FGF16: variants seen among roughly 807,000 people sequenced by gnomAD.
The protein encoded by FGF16 is metacarpal 4-5 fusion.
FGF16 carries 2 observed loss-of-function variants against 8.5 expected under a neutral mutation model. That is an observed-to-expected ratio of 0.24 (90% CI 0.10 to 0.75). The LOEUF is 0.75. Ranked by LOEUF, FGF16 falls within the 30% of genes least tolerant of loss-of-function variation. The pLI, the probability that FGF16 is intolerant of heterozygous loss-of-function variation, is 0.74. For missense variants in FGF16, 79 were observed against 87.4 expected (o/e 0.90, Z 0.38); for synonymous variants, 33 against 34.6 (o/e 0.95, Z 0.16).
At chrX:77,450,909 T>G (rs1557026628) in intron 1 of FGF16, among the ~76,000 whole-genome samples, 1 of 111,792 alleles carries the variant, frequency 8.9e-6, no homozygotes, top group East Asian at 2.8e-4. Flanking sequence ...TACTTAATAC[T>G]TCACCTCAAC....
rs782034788 is a variant in FGF16 at position 77,454,272 on chromosome X, G to GTTTTT, written c.378+38_378+42dup. 2.9e-3 allele frequency: 445 copies of GTTTTT among 151,004 alleles called. 6 individuals carry two copies. The highest frequency in any genetic ancestry group is 7.8e-3 in the Middle Eastern group (4 of 516). 12.4% of individuals were successfully genotyped at this position (151,004 alleles called of 1,213,427 possible). A position where few individuals can be genotyped will look rare whatever the true frequency, so the allele number is the denominator to read the frequency against. On this transcript the variant is annotated intron_variant, in intron 2 of 2. Transcript: ENST00000439435. ...AACTCTATGGGTCGGTAAGTTTAAG[G>GTTTTT]TTTTTTTTTTTTTTTTTTTTTTTTT... is the stretch of plus-strand genomic sequence containing the variant.
rs782420352 is a variant in FGF16, at chrX:77,453,820, G to A, written c.275-337G>A. On this transcript the variant is annotated intron_variant, in intron 1 of 2. Transcript: ENST00000439435. ...CCTTCTTGCATTTAGAAAACTTCCC[G>A]TTTCTTGAATTTGAGAGCAATAGCA... Among the ~76,000 whole-genome samples, 8 of 111,736 alleles carry A rather than the reference G, an allele frequency of 7.2e-5. No homozygotes were observed. The East Asian group carries it at 1.1e-3, about 16-fold the overall frequency.
Position 77,447,604 on chromosome X carries a change from C to T in FGF16, c.-71C>T, listed in dbSNP as rs1321387012. The stretch of plus-strand genomic sequence containing the variant: ...CGCCCGCGCCCGCTGCGGGGAGAGG[C>T]AGTTCGCGCCCCGTGGCCCCGGCTC... On this transcript the variant is annotated 5_prime_UTR_variant, in exon 1 of 3. Transcript: ENST00000439435. 3 of 294,174 alleles carry T rather than the reference C, an allele frequency of 1.0e-5. No individual in the cohort carries two copies. The highest frequency in any genetic ancestry group is 1.8e-5 in the Non-Finnish European group (3 of 168,532). The allele number at this position is 294,174 out of a possible 1,213,427, so 24.2% of individuals were successfully genotyped here.
intron 1 of FGF16, among the ~76,000 whole-genome samples, chrX:77,453,953 A>G (rs2062564667): frequency 9.0e-6 from 1 of 111,444 alleles, no homozygotes. Flanking sequence ...CGTTTTACAT[A>G]TGGAAAAACT....
rs2062544579 is a variant in FGF16, at chrX:77,447,403, A to G, written c.-272A>G. 8.4e-6 allele frequency: 2 copies of G among 238,415 alleles called. No homozygotes were observed. Among genetic ancestry groups the G allele is most frequent in the South Asian group, 2.7e-4 (1 of 3,744 alleles). The allele number at this position is 238,415 out of a possible 1,213,427, so 19.6% of individuals were successfully genotyped here. A position where few individuals can be genotyped will look rare whatever the true frequency, so the allele number is the denominator to read the frequency against. On this transcript the variant is annotated 5_prime_UTR_variant, in exon 1 of 3. The change abolishes an upstream ATG in the 5' untranslated region. Transcript: ENST00000439435. ...ATCTGATAGCTGGACGAAGCCAGCTATGAGAGGCCGGGGGAGATGGATGCG... is the reference window on the plus strand; with the variant it reads ...ATCTGATAGCTGGACGAAGCCAGCTGTGAGAGGCCGGGGGAGATGGATGCG...
Position 77,454,253 on chromosome X carries a change from A to G in FGF16, c.371A>G (p.Tyr124Cys). Residue 124 changes from tyrosine to cysteine, a missense_variant, in exon 2 of 3, where the codon TAT (tyrosine) becomes TGT (cysteine). By Grantham distance (194) the Tyr-to-Cys change is radical (BLOSUM62 -2). Coordinates refer to ENST00000439435, the MANE Select transcript of FGF16 (RefSeq NM_003868.3). ...YLGMNERGEL[Y>C]GSKKLTRECV... ...GGAATGAATGAGCGAGGAGAACTCT[A>G]TGGGTCGGTAAGTTTAAGGTTTTTT... 1 of 328,485 alleles carries G rather than the reference A, an allele frequency of 3.0e-6. No homozygotes were observed. Among genetic ancestry groups the G allele is most frequent in the Non-Finnish European group, 5.3e-6 (1 of 188,928 alleles). The allele number at this position is 328,485 out of a possible 1,213,427, so 27.1% of individuals were successfully genotyped here. A position where few individuals can be genotyped will look rare whatever the true frequency, so the allele number is the denominator to read the frequency against.
At chrX:77,455,989 A>G (rs1306745611) in intron 2 of FGF16, among the ~76,000 whole-genome samples, 1 of 112,372 alleles carries the variant, frequency 8.9e-6, no homozygotes, top group Non-Finnish European at 1.9e-5. Flanking sequence ...CCATAGCAGC[A>G]ATTCTCAGGC....
chrX:77,448,079 C>G (rs1206521553), intron 1 of FGF16, 131 bp downstream of exon 1: 4 of 296,112 alleles, frequency 1.4e-5, no homozygotes, highest in Non-Finnish European at 2.4e-5. Flanking sequence ...AGGCGAGACA[C>G]GACGGCGCGG....
intron 1 of FGF16, among the ~76,000 whole-genome samples, chrX:77,453,704 G>C: frequency 9.0e-6 from 1 of 111,490 alleles, no homozygotes; most frequent in Non-Finnish European, 1.9e-5. Flanking sequence ...GGGCTGACAG[G>C]GCACAAAACA....
intron 1 of FGF16, among the ~76,000 whole-genome samples, chrX:77,452,612 C>CA (rs1273228214): frequency 4.4e-5 from 5 of 112,535 alleles, no homozygotes; most frequent in African/African-American, 1.6e-4. Context: ...CACATGCCCC[C>CA]AAAGCTGCCA....
chrX:77,454,955 C>A (rs1277561928), intron 2 of FGF16, among the ~76,000 whole-genome samples: 1 of 108,305 alleles, frequency 9.2e-6, no homozygotes, highest in East Asian at 3.0e-4. Context: ...CACCACCATG[C>A]CAGGCTAATT....
chrX:77,453,455 G>A (rs1301439508), intron 1 of FGF16, among the ~76,000 whole-genome samples: 1 of 112,066 alleles, frequency 8.9e-6, no homozygotes, highest in Non-Finnish European at 1.9e-5. Context: ...AATCAGTATT[G>A]AGTCCAATAC....
At chrX:77,448,408 C>A (rs1171949402) in intron 1 of FGF16, among the ~76,000 whole-genome samples, 1 of 112,735 alleles carries the variant, frequency 8.9e-6, no homozygotes, top group Non-Finnish European at 1.9e-5. Context: ...GGCCGGCACA[C>A]AAATCGCTTT....
chrX:77,455,400 T>C (rs2062569325), intron 2 of FGF16, among the ~76,000 whole-genome samples: 1 of 111,721 alleles, frequency 9.0e-6, no homozygotes, highest in African/African-American at 3.3e-5. Flanking sequence ...AACAAACAAA[T>C]GAAGAATGAG....
intron 1 of FGF16, among the ~76,000 whole-genome samples, chrX:77,448,302 G>T (rs1272569436): frequency 8.9e-6 from 1 of 112,838 alleles, no homozygotes; most frequent in Non-Finnish European, 1.9e-5. Context: ...CCGGGACCGT[G>T]GCTGCAGCGC....
intron 1 of FGF16, among the ~76,000 whole-genome samples, chrX:77,453,345 T>C (rs2062562748): frequency 8.9e-6 from 1 of 111,981 alleles, no homozygotes; most frequent in Admixed American, 9.5e-5. Context: ...GGACTGCTGC[T>C]GGGTAAATGA....
intron 1 of FGF16, 54 bp from the exon 2 acceptor site, chrX:77,454,103 G>A: frequency 1.2e-6 from 1 of 818,774 alleles, no homozygotes; most frequent in East Asian, 3.3e-5. Context: ...CACCTGAACA[G>A]CTTTCTCTTA....
Position 77,454,272 on chromosome X carries a change from GTTTTTTTTTTTTTTTTTT to G in FGF16, c.378+25_378+42del. The G allele has an allele frequency of 2.6e-5, 4 of 154,091 alleles. No individual in the cohort carries two copies. In the East Asian group the frequency reaches 8.4e-4, roughly 32 times the overall value. 12.7% of individuals were successfully genotyped at this position (154,091 alleles called of 1,213,427 possible). On this transcript the variant is annotated intron_variant, in intron 2 of 2. Coordinates refer to ENST00000439435, the MANE Select transcript of FGF16 (RefSeq NM_003868.3). ...AACTCTATGGGTCGGTAAGTTTAAG[GTTTTTTTTTTTTTTTTTT>G]TTTTTTTTTTTTGGTCAGAGGTTAT...
Position 77,456,363 on chromosome X carries a change from G to A in FGF16, c.465G>A (p.Ser155=), listed in dbSNP as rs781995014. ...ATGCCTCAACCTTGTACAAACATTC[G>A]GACTCAGAGAGACAGTATTACGTGG... The part of the protein sequence containing the change: ...NTYASTLYKH[S]DSERQYYVAL... Residue 155 remains serine (S), a synonymous_variant, in exon 3 of 3, where the codon TCG becomes TCA. Transcript: ENST00000439435. The A allele has an allele frequency of 8.3e-6, 10 of 1,208,625 alleles. No homozygotes were observed. Among genetic ancestry groups the A allele is most frequent in the South Asian group, 1.8e-5 (1 of 56,752 alleles).
Sources: allele counts gnomAD v4.1 joint callset (sites outside exome capture counted in the v4.1 genomes callset), GRCh38; gene constraint gnomAD v4.1.1; transcripts MANE v1.5; gene names NCBI Gene and HGNC (gene_info 2026-07-23, HGNC 2026-07-21).